Variants in LYZL4 observed in about 807,000 individuals in gnomAD.
LYZL4 encodes lysozyme-like protein 4.
LYZL4 carries 13 observed loss-of-function variants against 17.6 expected under a neutral mutation model. The ratio of observed to expected loss-of-function variants is 0.74; its 90% CI spans 0.48 to 1.18. The LOEUF (loss-of-function observed/expected upper bound fraction) is 1.18, where lower values mean the gene tolerates loss of function less well. LYZL4 is among the 50% of genes most tolerant of loss of function. The pLI, the probability that LYZL4 is intolerant of heterozygous loss-of-function variation, is 0.00. For synonymous variants in LYZL4, 64 were observed against 67.7 expected, an observed-to-expected ratio of 0.95 and a Z score of 0.27; for missense variants, 174 against 188.2, an observed-to-expected ratio of 0.92 and a Z score of 0.44.
chr3:42,360,830 A>G, the LYZL4 span, among the ~76,000 whole-genome samples: 4 of 152,088 alleles, frequency 2.6e-5, no homozygotes, highest in Admixed American at 2.6e-4. Context: ...GAACCAGAGA[A>G]CTGTATCAGA....
At chr3:42,395,541 T>C (rs1023948047), downstream of LYZL4, among the ~76,000 whole-genome samples, 3 of 152,174 alleles carry the variant, frequency 2.0e-5, no homozygotes, top group African/African-American at 7.2e-5. Context: ...CACGAAAAGT[T>C]TCTTTTCCTA....
At chr3:42,391,971 C>T in the LYZL4 span, among the ~76,000 whole-genome samples, 2,049 of 151,962 alleles carry the variant, frequency 0.013, 44 homozygotes, top group African/African-American at 0.044. Context: ...TGGGCTTAAT[C>T]GATCCTCCCA....
chr3:42,387,236 C>A, the LYZL4 span, among the ~76,000 whole-genome samples: 1 of 152,120 alleles, frequency 6.6e-6, no homozygotes, highest in Non-Finnish European at 1.5e-5. Flanking sequence ...TGAGACTTAA[C>A]AAGATTAAGT....
the LYZL4 span, among the ~76,000 whole-genome samples, chr3:42,380,002 A>G: frequency 6.6e-6 from 1 of 152,210 alleles, no homozygotes; most frequent in Non-Finnish European, 1.5e-5. Flanking sequence ...GTCTCACAGG[A>G]AAGTGTAAGC....
intron 1 of LYZL4, among the ~76,000 whole-genome samples, chr3:42,407,753 G>A (rs1025603306): frequency 1.3e-5 from 2 of 149,740 alleles, no homozygotes; most frequent in East Asian, 1.9e-4. Context: ...AACCACTACC[G>A]ACCTGTTGAA....
intron 4 of LYZL4, among the ~76,000 whole-genome samples, chr3:42,403,447 TA>T (rs1169369265): frequency 2.6e-5 from 4 of 152,056 alleles, no homozygotes; most frequent in African/African-American, 9.7e-5. Context: ...TTTATTTATT[TA>T]TTTTTTTAGT....
chr3:42,363,230 A>G, the LYZL4 span, among the ~76,000 whole-genome samples: 1 of 152,188 alleles, frequency 6.6e-6, no homozygotes, highest in East Asian at 1.9e-4. Flanking sequence ...AACTTCACTT[A>G]TTTATTTTAA....
rs764794542 is a variant in LYZL4, at chr3:42,397,354, G to A, written c.372-20C>T. 6.5e-7 allele frequency: 1 copy of A among 1,544,592 alleles called. No homozygotes were observed. Among genetic ancestry groups the A allele is most frequent in the South Asian group, 1.2e-5 (1 of 84,142 alleles). On this transcript the variant is annotated intron_variant, in intron 4 of 4. Transcript: ENST00000287748. Reference sequence around the variant, plus strand: ...GTGGGCCTGTGGAGAGAAGTGAACAGGAAGGGCTCCTCAAAGTCAGAACTC... The same window carrying A: ...GTGGGCCTGTGGAGAGAAGTGAACAAGAAGGGCTCCTCAAAGTCAGAACTC...
chr3:42,371,496 C>A, the LYZL4 span, among the ~76,000 whole-genome samples: 3 of 152,142 alleles, frequency 2.0e-5, no homozygotes, highest in Non-Finnish European at 1.5e-5. Context: ...ATATTCCTGG[C>A]CAATCACGTG....
At chr3:42,368,223 A>T in the LYZL4 span, among the ~76,000 whole-genome samples, 1 of 152,224 alleles carries the variant, frequency 6.6e-6, no homozygotes, top group African/African-American at 2.4e-5. Flanking sequence ...GGGTATTTCA[A>T]ATAGTTAATG....
chr3:42,399,923 T>G (rs1559454181), intron 4 of LYZL4, among the ~76,000 whole-genome samples: 1 of 136,904 alleles, frequency 7.3e-6, no homozygotes, highest in Non-Finnish European at 1.5e-5. Context: ...TCACAGTTTT[T>G]GCCATTAAGA....
chr3:42,406,405 G>T (rs1297875581), intron 3 of LYZL4, among the ~76,000 whole-genome samples: 1 of 135,632 alleles, frequency 7.4e-6, no homozygotes, highest in Non-Finnish European at 1.5e-5. Flanking sequence ...CGTGAGCCGA[G>T]ATCGCGCCAC....
chr3:42,377,109 C>T, the LYZL4 span, among the ~76,000 whole-genome samples: 1 of 152,160 alleles, frequency 6.6e-6, no homozygotes, highest in Non-Finnish European at 1.5e-5. Context: ...GCTGCAGGAT[C>T]CTGAAGCAGT....
chr3:42,402,061 T>C (rs1004632272), intron 4 of LYZL4, among the ~76,000 whole-genome samples: 2 of 133,458 alleles, frequency 1.5e-5, no homozygotes, highest in Non-Finnish European at 3.2e-5. Flanking sequence ...AAAATAACCA[T>C]AAAGGGAAAG....
At chr3:42,385,754 C>T in the LYZL4 span, among the ~76,000 whole-genome samples, 2 of 152,248 alleles carry the variant, frequency 1.3e-5, no homozygotes, top group Non-Finnish European at 2.9e-5. Context: ...TTCTGTAAAA[C>T]GGTAATACTA....
At chr3:42,399,237 A>T (rs1698611118) in intron 4 of LYZL4, among the ~76,000 whole-genome samples, 2 of 152,126 alleles carry the variant, frequency 1.3e-5, no homozygotes, top group South Asian at 4.1e-4. Flanking sequence ...GTGTGGGTGG[A>T]GGGGCCCCTT....
chr3:42,380,653 G>A, the LYZL4 span, among the ~76,000 whole-genome samples: 1 of 152,200 alleles, frequency 6.6e-6, no homozygotes, highest in Admixed American at 6.5e-5. Context: ...GATGATGATG[G>A]TGCTGGCCCA....
chr3:42,383,119 T>C, the LYZL4 span, among the ~76,000 whole-genome samples: 3 of 152,162 alleles, frequency 2.0e-5, no homozygotes, highest in Non-Finnish European at 4.4e-5. Flanking sequence ...TGGGGGTTTC[T>C]GAACTGGGGG....
intron 4 of LYZL4, among the ~76,000 whole-genome samples, chr3:42,400,595 T>A (rs1419350337): frequency 6.6e-6 from 1 of 152,244 alleles, no homozygotes; most frequent in African/African-American, 2.4e-5. Flanking sequence ...CTAAGATTCA[T>A]CAATGATTTA....
Sources: allele counts gnomAD v4.1 joint callset (sites outside exome capture counted in the v4.1 genomes callset), GRCh38; gene constraint gnomAD v4.1.1; transcripts MANE v1.5; gene names NCBI Gene and HGNC (gene_info 2026-07-23, HGNC 2026-07-21).